The following MBNL1 variants were observed in gnomAD, a reference collection of about 807,000 sequenced individuals.
The protein encoded by MBNL1 is muscleblind like splicing regulator 1.
In MBNL1, 8 loss-of-function variants were observed where a neutral mutation model predicts 42.2. That is an observed-to-expected ratio of 0.19 (90% CI 0.11 to 0.34). MBNL1 has a LOEUF of 0.34. Ranked by LOEUF, MBNL1 falls within the 10% of genes least tolerant of loss-of-function variation. The probability of loss-of-function intolerance (pLI) is 1.00; values close to 1 mark genes in which losing one functional copy is unlikely to be tolerated. For missense variants in MBNL1, 309 were observed against 495.3 expected (o/e 0.62, Z 3.57); for synonymous variants, 169 against 173.9 (o/e 0.97, Z 0.22).
intron 1 of MBNL1, among the ~76,000 whole-genome samples, chr3:152,284,844 G>A (rs375911492): frequency 3.3e-5 from 5 of 152,024 alleles, no homozygotes; most frequent in South Asian, 2.1e-4. Context: ...CCTGTTGCTC[G>A]GAGGGCTGAT....
At chr3:152,244,519 A>G (rs1297221196) in intron 2 of MBNL1, 1 of 152,178 alleles carries the variant, frequency 6.6e-6, no homozygotes, top group Admixed American at 6.5e-5. Flanking sequence ...TGCTGGCCAC[A>G]TTACAGTGTA....
chr3:152,400,751 C>T (rs1312982800), intron 2 of MBNL1, among the ~76,000 whole-genome samples: 1 of 152,132 alleles, frequency 6.6e-6, no homozygotes, highest in Non-Finnish European at 1.5e-5. Flanking sequence ...GTGCCCTTTT[C>T]CCCAGTGTAT....
At chr3:152,438,076 T>A (rs111909001) in intron 4 of MBNL1, among the ~76,000 whole-genome samples, 62 of 152,318 alleles carry the variant, frequency 4.1e-4, no homozygotes, top group African/African-American at 1.4e-3. Context: ...GCCATACCCC[T>A]GCTTTACTAC....
intron 6 of MBNL1, among the ~76,000 whole-genome samples, chr3:152,454,619 T>A (rs1311368971): frequency 1.3e-5 from 2 of 152,222 alleles, no homozygotes; most frequent in Non-Finnish European, 2.9e-5. Flanking sequence ...TTTTTGCTTA[T>A]CATGGTTGAA....
rs75683785 is a variant in MBNL1 at position 152,303,023 on chromosome 3, A to T, written c.174+2656A>T. Among the ~76,000 whole-genome samples the T allele has an allele frequency of 6.9e-4, 8 of 11,606 alleles. 1 individual carries two copies. In the East Asian group the frequency reaches 0.035, roughly 50 times the overall value. The allele number at this position is 11,606 out of a possible 152,430, so 7.6% of individuals were successfully genotyped here. On this transcript the variant is annotated intron_variant, in intron 2 of 9. Transcript: ENST00000324210. ...TTAGAAGAGGAGAATTTATTTCATT[A>T]AAAAAAAAAAAAATAAGTCAAACAG...
At chr3:152,371,814 G>C (rs1047282508) in intron 2 of MBNL1, among the ~76,000 whole-genome samples, 2 of 152,052 alleles carry the variant, frequency 1.3e-5, no homozygotes, top group Non-Finnish European at 2.9e-5. Context: ...CTTTGTGGTG[G>C]TCTCTGTCTT....
chr3:152,378,286 A>G (rs967422113), intron 2 of MBNL1, among the ~76,000 whole-genome samples: 10 of 152,252 alleles, frequency 6.6e-5, no homozygotes, highest in African/African-American at 1.7e-4. Context: ...ATGAGGCACA[A>G]TTTCACCACT....
rs562759855 is a variant in MBNL1 at position 152,259,417 on chromosome 3, C to T, written n.333+14977C>T. 2.3e-4 allele frequency among the ~76,000 whole-genome samples: 35 copies of T among 152,262 alleles called. No individual in the cohort carries two copies. The South Asian group carries it at 6.4e-3, about 28-fold the overall frequency. ...CCAGAAACAGAAAAAAATCATTTTA[C>T]ATCCAGCCAAAAAAGATTTTAAAAG... is the stretch of plus-strand genomic sequence containing the variant. On this transcript the variant is annotated intron_variant and non_coding_transcript_variant, in intron 2 of 2. Coordinates refer to the MBNL1 transcript ENST00000477171.
Position 152,300,193 on chromosome 3 carries a change from C to T in MBNL1, c.-1C>T, listed in dbSNP as rs202116667. 6.4e-7 allele frequency: 1 copy of T among 1,572,634 alleles called. No homozygotes were observed. Among genetic ancestry groups the T allele is most frequent in the African/African-American group, 1.4e-5 (1 of 73,322 alleles). Reference sequence around the variant, plus strand: ...CATTTAACTACCTGTAAAATCTAAACATGGCTGTTAGTGTCACACCAATTC... The same window carrying T: ...CATTTAACTACCTGTAAAATCTAAATATGGCTGTTAGTGTCACACCAATTC... On this transcript the variant is annotated 5_prime_UTR_variant, in exon 2 of 10. Transcript: ENST00000324210.
intron 2 of MBNL1, chr3:152,340,467 A>G (rs2092859940): frequency 1.1e-5 from 16 of 1,509,136 alleles, no homozygotes; most frequent in South Asian, 1.4e-5. Context: ...ATATCAGACT[A>G]TGTGAATTTA....
chr3:152,244,337 T>C (rs1389354356), exon 2 of MBNL1: 2 of 152,172 alleles, frequency 1.3e-5, no homozygotes, highest in African/African-American at 2.4e-5. Context: ...AAAAATAATG[T>C]AACTAGAGAA....
chr3:152,340,967 T>C (rs2093039725), intron 2 of MBNL1: 3 of 1,501,430 alleles, frequency 2.0e-6, no homozygotes, highest in Non-Finnish European at 2.7e-6. Context: ...ACCACTTTCC[T>C]GAAGGTCTGG....
At chr3:152,249,792 TG>T (rs1465247057) in intron 2 of MBNL1, among the ~76,000 whole-genome samples, 6 of 140,082 alleles carry the variant, frequency 4.3e-5, no homozygotes, top group African/African-American at 1.6e-4. Context: ...AATTAATTTT[TG>T]TATAAGGTGT....
In MBNL1 at chr3:152,294,318, C is replaced by T. The variant is rs573926416; in HGVS notation, c.-789-5087C>T. ...TTTTTTTTTGAGGCAGAGTCTCGCT[C>T]GGTCACCCAGGCTGGAGTGCAGTGG... On this transcript the variant is annotated intron_variant, in intron 1 of 9. Transcript: ENST00000324210. 1.3e-4 allele frequency among the ~76,000 whole-genome samples: 19 copies of T among 143,254 alleles called. 1 individual carries two copies. The highest frequency in any genetic ancestry group is 5.0e-4 in the African/African-American group (19 of 38,340). The allele number at this position is 143,254 out of a possible 152,430, so 94.0% of individuals were successfully genotyped here. A position where few individuals can be genotyped will look rare whatever the true frequency, so the allele number is the denominator to read the frequency against.
intron 3 of MBNL1, among the ~76,000 whole-genome samples, chr3:152,422,564 A>T (rs749652620): frequency 3.3e-5 from 5 of 152,224 alleles, no homozygotes; most frequent in Non-Finnish European, 4.4e-5. Flanking sequence ...TAACAAGGAT[A>T]TTCAGGAATT....
At chr3:152,434,589 G>A (rs922194138) in intron 4 of MBNL1, among the ~76,000 whole-genome samples, 2 of 152,090 alleles carry the variant, frequency 1.3e-5, no homozygotes, top group African/African-American at 2.4e-5. Context: ...TGGGTCGAAT[G>A]GTATTTCTGT....
chr3:152,442,251 A>C (rs2153822969), intron 4 of MBNL1, among the ~76,000 whole-genome samples: 1 of 152,332 alleles, frequency 6.6e-6, no homozygotes, highest in South Asian at 2.1e-4. Context: ...ATATCCTCCA[A>C]AAGAGTTACC....
intron 1 of MBNL1, among the ~76,000 whole-genome samples, chr3:152,286,287 TACAA>T (rs2051681519): frequency 6.9e-6 from 1 of 145,582 alleles, no homozygotes; most frequent in Non-Finnish European, 1.5e-5. Context: ...TTATTTATAA[TACAA>T]ATATTTAATT....
chr3:152,321,174 A>G (rs1380743879), intron 2 of MBNL1, among the ~76,000 whole-genome samples: 1 of 152,136 alleles, frequency 6.6e-6, no homozygotes, highest in South Asian at 2.1e-4. Context: ...TGACAATTAA[A>G]TATTTGATTG....
Sources: allele counts gnomAD v4.1 joint callset (sites outside exome capture counted in the v4.1 genomes callset), GRCh38; gene constraint gnomAD v4.1.1; transcripts MANE v1.5; gene names NCBI Gene and HGNC (gene_info 2026-07-23, HGNC 2026-07-21).